Variants in NELL2 observed in about 807,000 individuals in gnomAD.
NELL2 encodes neural EGFL like 2, also known as protein kinase C-binding protein NELL2.
A neutral mutation model predicts 109.6 loss-of-function variants in NELL2; 41 were observed. The ratio of observed to expected loss-of-function variants is 0.37; its 90% CI spans 0.29 to 0.49. The LOEUF is 0.49. Ranked by LOEUF, NELL2 falls within the 20% of genes least tolerant of loss-of-function variation. The probability of loss-of-function intolerance (pLI) is 0.98; values close to 1 mark genes in which losing one functional copy is unlikely to be tolerated. For synonymous variants in NELL2, 355 were observed against 344.7 expected, an observed-to-expected ratio of 1.03 and a Z score of -0.33; for missense variants, 900 against 1,008.3, an observed-to-expected ratio of 0.89 and a Z score of 1.45.
At position 44,678,205 on chromosome 12, in the gene NELL2, C is replaced by T. The variant is rs187926296; in HGVS notation, c.1319-12596G>A. Among the ~76,000 whole-genome samples the T allele has an allele frequency of 1.9e-3, 282 of 152,004 alleles. 2 individuals are homozygous for T. The highest frequency in any genetic ancestry group is 2.1e-3 in the South Asian group (10 of 4,820). On this transcript the variant is annotated intron_variant, in intron 12 of 19. Coordinates refer to ENST00000429094, the MANE Select transcript of NELL2 (RefSeq NM_001145108.2). ...AGTGTTGGAGAGACAAATGTCAAAA[C>T]GGTAGGCAGTCATCACCTTTTGAAC...
At position 44,610,940 on chromosome 12, in the gene NELL2, T is replaced by C; in HGVS notation, c.1475A>G (p.Asn492Ser). The change falls in exon 14 of 20, where the codon AAC (asparagine) becomes AGC (serine). Residue 492 changes from asparagine (N) to serine (S), a missense_variant. Physicochemically the swap from Asn to Ser is conservative, Grantham distance 46 (BLOSUM62 1). Coordinates refer to ENST00000429094, the MANE Select transcript of NELL2 (RefSeq NM_001145108.2). ...EHDECITNQH[N>S]CDENALCFNT... ...GAAGCATAAAGCATTTTCATCACAGTTGTGCTGATTTGTGATACACTCATC... is the reference window on the plus strand; with the variant it reads ...GAAGCATAAAGCATTTTCATCACAGCTGTGCTGATTTGTGATACACTCATC... The C allele has an allele frequency of 6.2e-7, 1 of 1,612,652 alleles. No individual in the cohort carries two copies. Among genetic ancestry groups the C allele is most frequent in the East Asian group, 2.2e-5 (1 of 44,862 alleles).
At chr12:44,638,130 T>G (rs1051419240) in intron 13 of NELL2, among the ~76,000 whole-genome samples, 2 of 152,068 alleles carry the variant, frequency 1.3e-5, no homozygotes, top group African/African-American at 4.8e-5. Flanking sequence ...CGCCCTTAAT[T>G]TGCAAACTCT....
chr12:44,695,873 A>C (rs983773896), intron 12 of NELL2, among the ~76,000 whole-genome samples: 2 of 152,174 alleles, frequency 1.3e-5, no homozygotes, highest in Admixed American at 1.3e-4. Flanking sequence ...AGGCCCAGCT[A>C]CTTGGGAGGC....
At position 44,816,141 on chromosome 12, in the gene NELL2, A is replaced by T; in HGVS notation, c.185-5T>A. ...CTTTTATGCTTCTGGGAGTATCTAA[A>T]AAAGAAACAAACATATACTAAGAAT... On this transcript the variant is annotated splice_polypyrimidine_tract_variant and splice_region_variant and intron_variant, in intron 2 of 19. Coordinates refer to ENST00000429094, the MANE Select transcript of NELL2 (RefSeq NM_001145108.2). 1 of 1,582,688 alleles carries T rather than the reference A, an allele frequency of 6.3e-7. No individual in the cohort carries two copies. The highest frequency in any genetic ancestry group is 8.6e-7 in the Non-Finnish European group (1 of 1,169,066).
In NELL2 at chr12:44,566,566, C is replaced by CACACACACACACACAGAG. The variant is rs377368706; in HGVS notation, c.1664-33846_1664-33845insCTCTGTGTGTGTGTGTGT. 6.9e-3 allele frequency among the ~76,000 whole-genome samples: 956 copies of CACACACACACACACAGAG among 138,462 alleles called. 7 individuals carry two copies. Among genetic ancestry groups the CACACACACACACACAGAG allele is most frequent in the African/African-American group, 0.023 (897 of 38,700 alleles). The allele number at this position is 138,462 out of a possible 152,430, so 90.8% of individuals were successfully genotyped here. ...ACACACACACACACACACACACACA[C>CACACACACACACACAGAG]AGAGTTTTATGAATAGCAATAGGAG... On this transcript the variant is annotated intron_variant, in intron 15 of 19. Coordinates refer to ENST00000429094, the MANE Select transcript of NELL2 (RefSeq NM_001145108.2).
intron 14 of NELL2, 52 bp downstream of exon 14, chr12:44,610,796 G>C (rs1174968359): frequency 1.9e-5 from 31 of 1,609,610 alleles, no homozygotes; most frequent in Non-Finnish European, 2.5e-5. Context: ...GGAAGGTAGA[G>C]ATGGATGGCA....
rs563553555 is a variant in NELL2 at position 44,769,432 on chromosome 12, T to A, written c.994+5315A>T. Among the ~76,000 whole-genome samples, 15 of 152,194 alleles carry A rather than the reference T, an allele frequency of 9.9e-5. No individual in the cohort carries two copies. In the South Asian group the frequency reaches 3.1e-3, roughly 32 times the overall value. On this transcript the variant is annotated intron_variant, in intron 9 of 19. Coordinates refer to ENST00000429094, the MANE Select transcript of NELL2 (RefSeq NM_001145108.2). ...CATTTACCAACATCATTTATCAGAA[T>A]GTTAAAATTAAAAAGACTAAAAATG...
intron 13 of NELL2, among the ~76,000 whole-genome samples, chr12:44,653,801 C>T (rs993590828): frequency 2.0e-5 from 3 of 152,066 alleles, no homozygotes; most frequent in Non-Finnish European, 4.4e-5. Flanking sequence ...CAAAATAAAG[C>T]GTTAACACTT....
chr12:44,880,397 AAC>A (rs1945398536), upstream of NELL2, among the ~76,000 whole-genome samples: 1 of 152,058 alleles, frequency 6.6e-6, no homozygotes, highest in African/African-American at 2.4e-5. Context: ...GCAGCAATAA[AAC>A]AGTGCTAAAA....
chr12:44,851,870 G>A (rs1306759227), intron 2 of NELL2: 1 of 152,054 alleles, frequency 6.6e-6, no homozygotes, highest in African/African-American at 2.4e-5. Flanking sequence ...AATCTGTTTT[G>A]TGGAGTCTTA....
chr12:44,513,569 G>C (rs1239629077), intron 19 of NELL2, among the ~76,000 whole-genome samples: 1 of 151,762 alleles, frequency 6.6e-6, no homozygotes, highest in Non-Finnish European at 1.5e-5. Context: ...ACTTGGCAGA[G>C]AAATTAAACT....
At chr12:44,512,941 G>A (rs1941066415) in intron 19 of NELL2, among the ~76,000 whole-genome samples, 1 of 151,932 alleles carries the variant, frequency 6.6e-6, no homozygotes, top group Non-Finnish European at 1.5e-5. Flanking sequence ...TATTGTATAT[G>A]TTCAGAAATC....
upstream of NELL2, chr12:44,876,817 A>G (rs1051429689): frequency 7.4e-7 from 1 of 1,344,052 alleles, no homozygotes; most frequent in African/African-American, 1.5e-5. Context: ...AACACGCTGC[A>G]CTGCCGAGGT....
intron 9 of NELL2, among the ~76,000 whole-genome samples, chr12:44,773,808 C>T (rs1240206001): frequency 2.0e-5 from 3 of 152,144 alleles, no homozygotes; most frequent in Non-Finnish European, 4.4e-5. Context: ...AAATGCCTTC[C>T]TGAGGGAATT....
At chr12:44,915,914 GT>G (rs1945825422), upstream of NELL2, among the ~76,000 whole-genome samples, 1 of 152,164 alleles carries the variant, frequency 6.6e-6, no homozygotes, top group South Asian at 2.1e-4. Flanking sequence ...CCTGCAATTT[GT>G]TTCAACATGA....
At chr12:44,798,747 G>C (rs1942720616) in intron 3 of NELL2, among the ~76,000 whole-genome samples, 1 of 151,978 alleles carries the variant, frequency 6.6e-6, no homozygotes, top group Non-Finnish European at 1.5e-5. Flanking sequence ...TAATTAAATT[G>C]TGTAACAATG....
intron 9 of NELL2, among the ~76,000 whole-genome samples, chr12:44,773,922 C>T (rs1941650385): frequency 6.6e-6 from 1 of 152,118 alleles, no homozygotes; most frequent in Admixed American, 6.5e-5. Flanking sequence ...CCCGCCGCCA[C>T]TTCTCCCTAC....
chr12:44,912,782 A>G (rs1945794292), intron 1 of NELL2, among the ~76,000 whole-genome samples: 1 of 152,212 alleles, frequency 6.6e-6, no homozygotes. Context: ...GGCCAAAACA[A>G]AATGAACTTG....
intron 12 of NELL2, among the ~76,000 whole-genome samples, chr12:44,677,001 G>A (rs1437778382): frequency 6.6e-6 from 1 of 152,184 alleles, no homozygotes; most frequent in South Asian, 2.1e-4. Context: ...TGGAATGGGA[G>A]TTTGAGAAGG....
Sources: gnomAD v4.1 joint callset for allele counts (sites outside exome capture counted in the v4.1 genomes callset) on GRCh38, gnomAD v4.1.1 for gene constraint, MANE v1.5 for transcripts, NCBI Gene and HGNC (gene_info 2026-07-23, HGNC 2026-07-21) for gene names.